LYPD1: variants seen among roughly 807,000 people sequenced by gnomAD.
LYPD1 encodes ly6/PLAUR domain-containing protein 1.
In LYPD1, 14 loss-of-function variants were observed where a neutral mutation model predicts 14.2. The observed-to-expected ratio is 0.99, with a 90% CI of 0.65 to 1.54. LYPD1 has a LOEUF of 1.54. Ranked by LOEUF, LYPD1 falls within the 40% of genes most tolerant of loss-of-function variation. The pLI is 0.00. For synonymous variants in LYPD1, 85 were observed against 70.6 expected (o/e 1.20, Z -1.02); for missense variants, 165 against 175.7 (o/e 0.94, Z 0.34).
chr2:132,647,412 A>G lies in LYPD1; in HGVS notation c.191-1132T>C, dbSNP rs551058347. Among the ~76,000 whole-genome samples the G allele has an allele frequency of 6.2e-4, 94 of 152,162 alleles. 1 individual carries two copies. Among genetic ancestry groups the G allele is most frequent in the Non-Finnish European group, 1.0e-3 (70 of 68,032 alleles). The stretch of plus-strand genomic sequence containing the variant: ...TTTAGGGGGAGAGGGTTTACTTTGA[A>G]GATAGCTTTTGTTGTGTATGTATGT... On this transcript the variant is annotated intron_variant, in intron 2 of 2. Coordinates refer to ENST00000397463, the MANE Select transcript of LYPD1 (RefSeq NM_144586.7).
intron 2 of LYPD1, among the ~76,000 whole-genome samples, chr2:132,661,960 G>A (rs958546599): frequency 1.3e-5 from 2 of 148,402 alleles, no homozygotes; most frequent in African/African-American, 4.9e-5. Context: ...AAAAAAACCT[G>A]GAGAAGTGAA....
Position 132,644,145 on chromosome 2 carries a change from AGTT to A in LYPD1, c.*1897_*1899del, listed in dbSNP as rs1398695746. 6.6e-6 allele frequency among the ~76,000 whole-genome samples: 1 copy of A among 152,148 alleles called. No homozygotes were observed. Among genetic ancestry groups the A allele is most frequent in the African/African-American group, 2.4e-5 (1 of 41,422 alleles). ...AAACTCTCATGATACCTGTGATTTC[AGTT>A]GTTTGTGGTCTATGTAGCATCTTTA... On this transcript the variant is annotated 3_prime_UTR_variant, in exon 3 of 3. Coordinates refer to ENST00000397463, the MANE Select transcript of LYPD1 (RefSeq NM_144586.7).
chr2:132,666,811 A>G (rs527985012), intron 2 of LYPD1: 1 of 152,352 alleles, frequency 6.6e-6, no homozygotes, highest in Admixed American at 6.5e-5. Flanking sequence ...AATTTAGCTT[A>G]CATCCCCTTC....
At chr2:132,647,569 G>A (rs1344331698) in intron 2 of LYPD1, among the ~76,000 whole-genome samples, 1 of 152,186 alleles carries the variant, frequency 6.6e-6, no homozygotes, top group Non-Finnish European at 1.5e-5. Flanking sequence ...CTGACCTTGT[G>A]ATCCGCCTGC....
intron 1 of LYPD1, 71 bp from the exon 2 acceptor site, chr2:132,668,608 A>C (rs1573763574): frequency 1.5e-5 from 24 of 1,573,246 alleles, no homozygotes; most frequent in East Asian, 1.2e-4. Context: ...CGACCATCCC[A>C]CGCCTCAGAG....
Position 132,645,121 on chromosome 2 carries a change from G to C in LYPD1, c.*924C>G, listed in dbSNP as rs1340779168. ...CCCAGGGCTGATTGTTGTGACATTG[G>C]CCGTATGCTGGATGCCCAACCAGAT... On this transcript the variant is annotated 3_prime_UTR_variant, in exon 3 of 3. Coordinates refer to ENST00000397463, the MANE Select transcript of LYPD1 (RefSeq NM_144586.7). The C allele has an allele frequency of 1.5e-5, 25 of 1,613,258 alleles. No homozygotes were observed. The highest frequency in any genetic ancestry group is 2.1e-5 in the Non-Finnish European group (25 of 1,179,678).
intron 2 of LYPD1, among the ~76,000 whole-genome samples, chr2:132,660,328 AAAG>A (rs879507573): frequency 1.3e-4 from 20 of 152,342 alleles, no homozygotes; most frequent in Admixed American, 1.2e-3. Flanking sequence ...CACATCCTCT[AAAG>A]AAGCAATTTA....
intron 2 of LYPD1, among the ~76,000 whole-genome samples, chr2:132,654,093 A>G (rs1307311429): frequency 2.6e-5 from 4 of 152,220 alleles, no homozygotes; most frequent in African/African-American, 7.2e-5. Context: ...TACTGTGCCA[A>G]TGTTAATTTC....
At position 132,644,369 on chromosome 2, in the gene LYPD1, C is replaced by T. The variant is rs531640637; in HGVS notation, c.*1676G>A. ...TGCTGCAAAGGAAGGGAACATGTTA[C>T]TGGCTGAACTAGAAGGAAGTTTTAT... On this transcript the variant is annotated 3_prime_UTR_variant, in exon 3 of 3. Transcript: ENST00000397463. Among the ~76,000 whole-genome samples the T allele has an allele frequency of 6.6e-6, 1 of 152,352 alleles. No individual in the cohort carries two copies. The highest frequency in any genetic ancestry group is 2.4e-5 in the African/African-American group (1 of 41,590).
At chr2:132,670,216 G>T (rs1482748751), upstream of LYPD1, 1 of 934,284 alleles carries the variant, frequency 1.1e-6, no homozygotes, top group Non-Finnish European at 1.4e-6. The surrounding 1 kb of genome is among the most constrained non-coding windows in gnomAD (Gnocchi z 4.5). Flanking sequence ...AACTACTGGC[G>T]ATCGGGAGCA....
In LYPD1 at chr2:132,670,107, T is replaced by G. The variant is rs757171012; in HGVS notation, c.-175A>C. On this transcript the variant is annotated 5_prime_UTR_variant, in exon 1 of 3. It removes an upstream start codon present in the reference 5' UTR. Coordinates refer to ENST00000397463, the MANE Select transcript of LYPD1 (RefSeq NM_144586.7). This position sits in a 1 kb window ranked among gnomAD's most constrained non-coding sequence, Gnocchi z 4.5. ...GCAGGTGCCGCTCGCGGAGCCTGCA[T>G]CGCCCGCGCTCGGGCTCCCGGCTGC... 39 of 1,429,986 alleles carry G rather than the reference T, an allele frequency of 2.7e-5. No individual in the cohort carries two copies. 88.6% of individuals were successfully genotyped at this position (1,429,986 alleles called of 1,614,324 possible). A position where few individuals can be genotyped will look rare whatever the true frequency, so the allele number is the denominator to read the frequency against.
intron 2 of LYPD1, chr2:132,660,434 G>A (rs767784788): frequency 3.9e-5 from 6 of 152,194 alleles, no homozygotes; most frequent in Non-Finnish European, 7.3e-5. Flanking sequence ...TCAGAAGACT[G>A]GAAGCAATTT....
chr2:132,670,233 A>G (rs1270657363), upstream of LYPD1: 15 of 791,848 alleles, frequency 1.9e-5, no homozygotes, highest in Non-Finnish European at 2.4e-5. The surrounding 1 kb of genome is among the most constrained non-coding windows in gnomAD (Gnocchi z 4.5). Flanking sequence ...AGCACCCACA[A>G]AAGTCTCGCC....
chr2:132,668,503 T>C lies in LYPD1; in HGVS notation c.87A>G (p.Glu29=), dbSNP rs1295676280. 1 of 1,612,680 alleles carries C rather than the reference T, an allele frequency of 6.2e-7. No homozygotes were observed. The highest frequency in any genetic ancestry group is 1.1e-5 in the South Asian group (1 of 90,700). ...FALQIQCYQC[E]EFQLNNDCSS... The stretch of plus-strand genomic sequence containing the variant: ...AGCAGTCGTTGTTCAGCTGGAATTC[T>C]TCACACTGGTAGCACTGGATTTGCA... The change falls in exon 2 of 3, where the codon GAA becomes GAG. Residue 29 remains glutamate (E), a synonymous_variant. Coordinates refer to ENST00000397463, the MANE Select transcript of LYPD1 (RefSeq NM_144586.7).
chr2:132,670,896 T>C (rs1159836860), upstream of LYPD1, among the ~76,000 whole-genome samples: 1 of 152,086 alleles, frequency 6.6e-6, no homozygotes, highest in African/African-American at 2.4e-5. This position sits in a 1 kb window ranked among gnomAD's most constrained non-coding sequence, Gnocchi z 4.5. Context: ...GGAGGGTGCA[T>C]TGACACCGCC....
chr2:132,650,649 ACAAAG>A (rs1374637923), intron 2 of LYPD1, among the ~76,000 whole-genome samples: 1 of 152,112 alleles, frequency 6.6e-6, no homozygotes, highest in African/African-American at 2.4e-5. Context: ...TGAGTTAAAA[ACAAAG>A]CAAAGTATGT....
At chr2:132,666,639 G>A (rs1683291250) in intron 2 of LYPD1, 1 of 152,178 alleles carries the variant, frequency 6.6e-6, no homozygotes, top group African/African-American at 2.4e-5. Context: ...GGATAAAATG[G>A]AAGTTAAAAT....
At position 132,650,218 on chromosome 2, in the gene LYPD1, C is replaced by T. The variant is rs185272878; in HGVS notation, c.191-3938G>A. On this transcript the variant is annotated intron_variant, in intron 2 of 2. Transcript: ENST00000397463. ...GAGCTTTGAAACACATGAAAAGATACTCTCTCATATCATAAGAAGAATGCA... is the reference window on the plus strand; with the variant it reads ...GAGCTTTGAAACACATGAAAAGATATTCTCTCATATCATAAGAAGAATGCA... 2.4e-4 allele frequency among the ~76,000 whole-genome samples: 37 copies of T among 152,150 alleles called. No individual in the cohort carries two copies. The South Asian group carries it at 2.5e-3, about 10-fold the overall frequency.
intron 2 of LYPD1, among the ~76,000 whole-genome samples, chr2:132,652,900 T>C (rs1430476289): frequency 6.6e-6 from 1 of 152,216 alleles, no homozygotes; most frequent in Non-Finnish European, 1.5e-5. Flanking sequence ...TGGATGTGAA[T>C]GATGGGCATG....
Sources: allele counts gnomAD v4.1 joint callset (sites outside exome capture counted in the v4.1 genomes callset), GRCh38; gene constraint gnomAD v4.1.1; non-coding constraint Gnocchi (gnomAD v3.1); transcripts MANE v1.5; gene names NCBI Gene and HGNC (gene_info 2026-07-23, HGNC 2026-07-21).